The following FBXL17 variants were observed in gnomAD, a reference collection of about 807,000 sequenced individuals.
FBXL17 encodes the protein F-box and leucine rich repeat protein 17.
A neutral mutation model predicts 66.2 loss-of-function variants in FBXL17; 22 were observed. The ratio of observed to expected loss-of-function variants is 0.33; its 90% CI spans 0.24 to 0.47. The LOEUF (loss-of-function observed/expected upper bound fraction) is 0.47. Among genes scored for constraint, FBXL17 ranks in the 20% least tolerant of loss-of-function variants. The probability of loss-of-function intolerance (pLI) is 1.00; values close to 1 mark genes in which losing one functional copy is unlikely to be tolerated. For missense variants in FBXL17, 878 were observed against 948.2 expected (o/e 0.93, Z 0.97); for synonymous variants, 474 against 400.5 (o/e 1.18, Z -2.19).
chr5:108,069,711 T>C (rs1490075550), intron 6 of FBXL17, among the ~76,000 whole-genome samples: 1 of 152,214 alleles, frequency 6.6e-6, no homozygotes, highest in Non-Finnish European at 1.5e-5. Flanking sequence ...CGTCTTAACT[T>C]TTCTTGGTTT....
intron 7 of FBXL17, among the ~76,000 whole-genome samples, chr5:107,946,987 AG>A (rs1321415433): frequency 6.6e-6 from 1 of 152,160 alleles, no homozygotes; most frequent in Non-Finnish European, 1.5e-5. Flanking sequence ...CCTATTCAAA[AG>A]TTAATTAAAT....
intron 7 of FBXL17, among the ~76,000 whole-genome samples, chr5:107,935,697 G>A (rs1435799841): frequency 1.3e-5 from 2 of 151,952 alleles, no homozygotes; most frequent in Non-Finnish European, 2.9e-5. Context: ...GGTATAAAGG[G>A]CCATTTTCCA....
intron 4 of FBXL17, among the ~76,000 whole-genome samples, chr5:108,247,115 G>A (rs74584649): frequency 0.043 from 6,531 of 152,220 alleles, 772 homozygotes; most frequent in East Asian, 0.39. Context: ...TGGTAGTGAT[G>A]GTGGGATAAT....
At chr5:108,314,678 A>G (rs2150205525) in intron 4 of FBXL17, among the ~76,000 whole-genome samples, 1 of 151,698 alleles carries the variant, frequency 6.6e-6, no homozygotes, top group South Asian at 2.1e-4. Flanking sequence ...AGTGTCTGAA[A>G]TTACTACTTC....
At chr5:108,080,061 C>T (rs1405880873) in intron 6 of FBXL17, among the ~76,000 whole-genome samples, 1 of 152,170 alleles carries the variant, frequency 6.6e-6, no homozygotes, top group Non-Finnish European at 1.5e-5. Context: ...CCACCACCTA[C>T]TGTCTGGAGG....
intron 3 of FBXL17, among the ~76,000 whole-genome samples, chr5:108,355,197 C>G (rs1245531637): frequency 6.6e-6 from 1 of 151,742 alleles, no homozygotes; most frequent in Non-Finnish European, 1.5e-5. Context: ...TCATCATATA[C>G]ACACACATAT....
intron 8 of FBXL17, among the ~76,000 whole-genome samples, chr5:107,871,249 T>C (rs1270510889): frequency 2.0e-5 from 3 of 152,146 alleles, no homozygotes; most frequent in Non-Finnish European, 4.4e-5. Context: ...CAGGCCTGGC[T>C]TCATGCTGTC....
chr5:107,861,420 A>T lies in FBXL17; in HGVS notation c.*300T>A, dbSNP rs1002073395. ...ATTAGAAGCTCAAAATAATACATCC[A>T]ATTTTTTGACTCTATATTAAAAATA... On this transcript the variant is annotated 3_prime_UTR_variant, in exon 9 of 9. Transcript: ENST00000542267. The T allele has an allele frequency of 1.6e-5, 3 of 186,532 alleles. No homozygotes were observed. The highest frequency in any genetic ancestry group is 3.2e-5 in the Non-Finnish European group (3 of 92,366). 11.6% of individuals were successfully genotyped at this position (186,532 alleles called of 1,614,324 possible).
intron 6 of FBXL17, among the ~76,000 whole-genome samples, chr5:108,133,784 CTG>C (rs1751027912): frequency 6.6e-6 from 1 of 152,146 alleles, no homozygotes; most frequent in South Asian, 2.1e-4. Context: ...TTCTTACTGA[CTG>C]TAAAATTTCA....
intron 7 of FBXL17, among the ~76,000 whole-genome samples, chr5:108,017,656 G>A (rs979350375): frequency 1.3e-5 from 2 of 152,140 alleles, no homozygotes; most frequent in Non-Finnish European, 2.9e-5. Context: ...CGAACTCTCT[G>A]ACACCTAAGT....
chr5:108,124,934 C>T (rs1750638539), intron 6 of FBXL17, among the ~76,000 whole-genome samples: 2 of 151,900 alleles, frequency 1.3e-5, no homozygotes, highest in African/African-American at 4.8e-5. Context: ...ATCAAATATC[C>T]CCTTTTCAAG....
intron 5 of FBXL17, among the ~76,000 whole-genome samples, chr5:108,198,907 A>G (rs1480678980): frequency 1.3e-5 from 2 of 152,142 alleles, no homozygotes; most frequent in Non-Finnish European, 2.9e-5. Context: ...ATATTAAATA[A>G]TATGGAATAT....
At chr5:107,983,981 A>T (rs1227221576) in intron 7 of FBXL17, among the ~76,000 whole-genome samples, 2 of 152,190 alleles carry the variant, frequency 1.3e-5, no homozygotes, top group Non-Finnish European at 2.9e-5. Context: ...AAGAAAAAAA[A>T]AGAAAATGGG....
intron 4 of FBXL17, among the ~76,000 whole-genome samples, chr5:108,235,616 C>G (rs930151545): frequency 6.6e-6 from 1 of 152,160 alleles, no homozygotes; most frequent in East Asian, 1.9e-4. Context: ...TATTCAAAAT[C>G]CTCCAGTGGT....
At chr5:108,151,253 AAAAG>A (rs1171297156) in intron 6 of FBXL17, among the ~76,000 whole-genome samples, 10 of 152,174 alleles carry the variant, frequency 6.6e-5, no homozygotes, top group South Asian at 6.2e-4. Flanking sequence ...ACATTCCATA[AAAAG>A]AAAGAAAGAA....
intron 6 of FBXL17, among the ~76,000 whole-genome samples, chr5:108,032,670 T>A (rs1045212957): frequency 6.6e-6 from 1 of 152,194 alleles, no homozygotes; most frequent in Admixed American, 6.5e-5. Flanking sequence ...GATTGGATTC[T>A]TCCGTAGAGC....
intron 4 of FBXL17, among the ~76,000 whole-genome samples, chr5:108,327,418 A>G (rs926662145): frequency 2.6e-5 from 4 of 152,192 alleles, no homozygotes; most frequent in African/African-American, 9.7e-5. Flanking sequence ...TAAGAAAATT[A>G]CAGATTATAT....
chr5:107,927,981 A>T (rs1019328956), intron 7 of FBXL17, among the ~76,000 whole-genome samples: 1 of 152,142 alleles, frequency 6.6e-6, no homozygotes, highest in African/African-American at 2.4e-5. Context: ...AATGATATTT[A>T]AAAATGACTG....
intron 4 of FBXL17, among the ~76,000 whole-genome samples, chr5:108,253,444 G>A (rs1756445308): frequency 6.6e-6 from 1 of 152,078 alleles, no homozygotes; most frequent in Admixed American, 6.5e-5. Flanking sequence ...TCAGATTACA[G>A]GAATACTATT....
Sources: gnomAD v4.1 joint callset for allele counts (sites outside exome capture counted in the v4.1 genomes callset) on GRCh38, gnomAD v4.1.1 for gene constraint, MANE v1.5 for transcripts, NCBI Gene and HGNC (gene_info 2026-07-23, HGNC 2026-07-21) for gene names.